Variants in BAHCC1 observed in about 807,000 individuals in gnomAD.
BAHCC1 encodes BAH and coiled-coil domain-containing protein 1.
Under a neutral mutation model 88.2 loss-of-function variants are expected in BAHCC1, and 43 were observed. The observed-to-expected ratio is 0.49, with a 90% CI of 0.38 to 0.63. The LOEUF (loss-of-function observed/expected upper bound fraction) is 0.63, where lower values mean the gene tolerates loss of function less well. Among genes scored for constraint, BAHCC1 ranks in the 20% least tolerant of loss-of-function variants. The probability of loss-of-function intolerance (pLI) is 0.00; values close to 1 mark genes in which losing one functional copy is unlikely to be tolerated. For missense variants in BAHCC1, 3,023 were observed against 1,654.8 expected (o/e 1.83, Z -14.34); for synonymous variants, 1,510 against 745.5 (o/e 2.03, Z -16.71).
Position 81,399,134 on chromosome 17 carries a change from T to A in BAHCC1, c.-206-400T>A, listed in dbSNP as rs1294212302. ...GGGAGAGGGTGTGCGTGTGAGTGTG[T>A]GTGTGTGTGTGTGTGTGTGCGAGTG... On this transcript the variant is annotated intron_variant, in intron 1 of 27. Transcript: ENST00000675386. This position sits in a 1 kb window ranked among gnomAD's most constrained non-coding sequence, Gnocchi z 4.5. 1.5e-5 allele frequency: 4 copies of A among 267,624 alleles called. No homozygotes were observed. The highest frequency in any genetic ancestry group is 2.7e-5 in the South Asian group (1 of 36,584). The allele number at this position is 267,624 out of a possible 1,614,324, so 16.6% of individuals were successfully genotyped here.
At chr17:81,423,069 G>A (rs1555649786) in intron 2 of BAHCC1, among the ~76,000 whole-genome samples, 1 of 152,146 alleles carries the variant, frequency 6.6e-6, no homozygotes, top group Non-Finnish European at 1.5e-5. Flanking sequence ...CTGGCTCGCG[G>A]GCACCTTCAC....
chr17:81,431,675 C>T (rs2064262906), intron 3 of BAHCC1, among the ~76,000 whole-genome samples: 1 of 152,216 alleles, frequency 6.6e-6, no homozygotes, highest in Non-Finnish European at 1.5e-5. Flanking sequence ...CCTGGGATGG[C>T]ACCTGCCTCC....
chr17:81,433,630 G>A (rs1232908423), intron 3 of BAHCC1, among the ~76,000 whole-genome samples: 2 of 151,072 alleles, frequency 1.3e-5, no homozygotes, highest in Non-Finnish European at 3.0e-5. Context: ...GTCCACCAAG[G>A]CCCCTCCTGT....
At position 81,460,402 on chromosome 17, in the gene BAHCC1, C is replaced by T. The variant is rs782135311; in HGVS notation, c.6025+6C>T. The T allele has an allele frequency of 1.1e-5, 8 of 758,206 alleles. No individual in the cohort carries two copies. The highest frequency in any genetic ancestry group is 2.8e-5 in the South Asian group (2 of 71,248). 47.0% of individuals were successfully genotyped at this position (758,206 alleles called of 1,614,324 possible). A position where few individuals can be genotyped will look rare whatever the true frequency, so the allele number is the denominator to read the frequency against. On this transcript the variant is annotated splice_donor_region_variant and intron_variant, in intron 24 of 27. Coordinates refer to ENST00000675386, the MANE Select transcript of BAHCC1 (RefSeq NM_001377448.1). The stretch of plus-strand genomic sequence containing the variant: ...CCCTGACTTCAAGATCCAGTGTGAG[C>T]CTGGGAGCTGCACGGGGCAGGGCCC...
At position 81,443,569 on chromosome 17, in the gene BAHCC1, A is replaced by G; in HGVS notation, c.2215+5A>G. The G allele has an allele frequency of 1.6e-6, 1 of 637,252 alleles. No individual in the cohort carries two copies. Among genetic ancestry groups the G allele is most frequent in the Non-Finnish European group, 2.9e-6 (1 of 350,614 alleles). 39.5% of individuals were successfully genotyped at this position (637,252 alleles called of 1,614,324 possible). On this transcript the variant is annotated splice_donor_5th_base_variant and intron_variant, in intron 5 of 27. Transcript: ENST00000675386. ...GGGCCGCCCCCGCCTTCAAAGGTAC[A>G]GGCCCTGCACAGAGAGGGAGGCAGG...
chr17:81,433,912 C>T (rs894318221), intron 3 of BAHCC1, among the ~76,000 whole-genome samples: 1 of 152,244 alleles, frequency 6.6e-6, no homozygotes, highest in African/African-American at 2.4e-5. Flanking sequence ...CCCTGAGTGA[C>T]GGGGGTGTCC....
intron 11 of BAHCC1, 123 bp downstream of exon 11, chr17:81,447,971 G>GACAC (rs1555655057): frequency 4.6e-6 from 3 of 646,278 alleles, no homozygotes; most frequent in Admixed American, 4.5e-5. Context: ...AGTGTGGTAG[G>GACAC]TCCCCTGGAG....
Position 81,461,792 on chromosome 17 carries a change from C to T in BAHCC1, c.7129C>T (p.Arg2377Cys), listed in dbSNP as rs1261034014. 2.8e-6 allele frequency: 2 copies of T among 715,850 alleles called. No homozygotes were observed. The highest frequency in any genetic ancestry group is 2.6e-6 in the Non-Finnish European group (1 of 383,974). The allele number at this position is 715,850 out of a possible 1,614,324, so 44.3% of individuals were successfully genotyped here. A position where few individuals can be genotyped will look rare whatever the true frequency, so the allele number is the denominator to read the frequency against. Residue 2377 changes from arginine (R) to cysteine (C), a missense_variant, in exon 26 of 28, where the codon CGC (arginine) becomes TGC (cysteine). Transcript: ENST00000675386. Reference protein sequence around the residue: ...PTLLAQPEALRSKGSGPHAHA... With the variant: ...PTLLAQPEALCSKGSGPHAHA... ...CCTCCTGGCCCAGCCCGAGGCCCTG[C>T]GCTCCAAGGGCAGCGGCCCTCACGC...
chr17:81,451,439 G>A (rs2064632502), intron 11 of BAHCC1, among the ~76,000 whole-genome samples: 1 of 152,168 alleles, frequency 6.6e-6, no homozygotes, highest in Admixed American at 6.5e-5. Flanking sequence ...TGCCCCGTGG[G>A]TCCTCCCAGC....
chr17:81,441,015 G>C (rs977408476), intron 4 of BAHCC1, among the ~76,000 whole-genome samples: 1 of 152,192 alleles, frequency 6.6e-6, no homozygotes, highest in Non-Finnish European at 1.5e-5. Flanking sequence ...CTTGGTGCCT[G>C]TTTGTAAAGA....
intron 2 of BAHCC1, among the ~76,000 whole-genome samples, chr17:81,425,091 TG>T: frequency 9.3e-6 from 1 of 107,076 alleles, no homozygotes; most frequent in Admixed American, 9.8e-5. Context: ...ATGTGGTTGG[TG>T]GTGATAGTGG....
rs2030425779 is a variant in BAHCC1 at position 81,462,869 on chromosome 17, C to T, written c.7513C>T (p.Arg2505Cys). 2.5e-6 allele frequency: 2 copies of T among 784,338 alleles called. No homozygotes were observed. The highest frequency in any genetic ancestry group is 4.7e-6 in the Non-Finnish European group (2 of 421,430). 48.6% of individuals were successfully genotyped at this position (784,338 alleles called of 1,614,324 possible). A position where few individuals can be genotyped will look rare whatever the true frequency, so the allele number is the denominator to read the frequency against. The stretch of plus-strand genomic sequence containing the variant: ...GCGGCCCAACCTCCCCTACATCGGC[C>T]GCATCGAGAGCATGTGGGAGTCGTG... ...AGRPNLPYIG[R>C]IESMWESWGS... Residue 2505 changes from arginine to cysteine, a missense_variant, in exon 27 of 28, where the codon CGC (arginine) becomes TGC (cysteine). Coordinates refer to ENST00000675386, the MANE Select transcript of BAHCC1 (RefSeq NM_001377448.1).
At chr17:81,413,721 A>G (rs1274601468) in intron 2 of BAHCC1, among the ~76,000 whole-genome samples, 2 of 152,092 alleles carry the variant, frequency 1.3e-5, no homozygotes, top group African/African-American at 4.8e-5. Context: ...GCTTCCCTGC[A>G]CTCCAGGCTG....
Position 81,451,849 on chromosome 17 carries a change from C to G in BAHCC1, c.4158C>G (p.Thr1386=), listed in dbSNP as rs782379292. The part of the protein sequence containing the change: ...PRMQILQRKD[T]WTPKTKPVCP... ...TGCAGATCCTGCAGCGCAAGGACAC[C>G]TGGACCCCCAAGACCAAGCCTGTGA... Residue 1386 remains threonine (T), a synonymous_variant, in exon 12 of 28, where the codon ACC becomes ACG. Coordinates refer to ENST00000675386, the MANE Select transcript of BAHCC1 (RefSeq NM_001377448.1). 1 of 747,776 alleles carries G rather than the reference C, an allele frequency of 1.3e-6. No individual in the cohort carries two copies. Among genetic ancestry groups the G allele is most frequent in the Non-Finnish European group, 2.4e-6 (1 of 409,676 alleles). 46.3% of individuals were successfully genotyped at this position (747,776 alleles called of 1,614,324 possible). A position where few individuals can be genotyped will look rare whatever the true frequency, so the allele number is the denominator to read the frequency against.
intron 5 of BAHCC1, 63 bp downstream of exon 5, chr17:81,443,627 C>T (rs2064466356): frequency 1.6e-6 from 1 of 622,812 alleles, no homozygotes; most frequent in African/African-American, 1.8e-5. Context: ...GCTGGCCCTG[C>T]CCTGCGCCCC....
At chr17:81,453,982 G>A (rs1323683903) in intron 14 of BAHCC1, among the ~76,000 whole-genome samples, 1 of 152,242 alleles carries the variant, frequency 6.6e-6, no homozygotes, top group Non-Finnish European at 1.5e-5. Flanking sequence ...GCAGGAAGGT[G>A]GAAAGGGACA....
At chr17:81,410,641 A>G (rs1308882664) in intron 2 of BAHCC1, among the ~76,000 whole-genome samples, 1 of 152,130 alleles carries the variant, frequency 6.6e-6, no homozygotes, top group African/African-American at 2.4e-5. Flanking sequence ...GGCAGTGCAG[A>G]CGCTCTGGAC....
intron 2 of BAHCC1, among the ~76,000 whole-genome samples, chr17:81,416,355 A>AAAAT: frequency 1.1e-5 from 1 of 91,414 alleles, no homozygotes; most frequent in South Asian, 3.9e-4. Flanking sequence ...TGTGTCCATG[A>AAAAT]GGGTGGGTCT....
At position 81,459,115 on chromosome 17, in the gene BAHCC1, G is replaced by A. The variant is rs1378634737; in HGVS notation, c.5667G>A (p.Lys1889=). The change falls in exon 21 of 28, where the codon AAG becomes AAA. Residue 1889 remains lysine, a synonymous_variant. Coordinates refer to ENST00000675386, the MANE Select transcript of BAHCC1 (RefSeq NM_001377448.1). The stretch of plus-strand genomic sequence containing the variant: ...ACGGGCTGCCCGTGCTCATCCCCAA[G>A]GAGGATAGCCTGCTGTACGCGGGCA... The part of the protein sequence containing the change: ...LRDGLPVLIP[K]EDSLLYAGSV... 1.3e-6 allele frequency: 1 copy of A among 772,824 alleles called. No individual in the cohort carries two copies. Among genetic ancestry groups the A allele is most frequent in the Non-Finnish European group, 2.4e-6 (1 of 415,090 alleles). The allele number at this position is 772,824 out of a possible 1,614,324, so 47.9% of individuals were successfully genotyped here.
Sources: allele counts gnomAD v4.1 joint callset (sites outside exome capture counted in the v4.1 genomes callset), GRCh38; gene constraint gnomAD v4.1.1; non-coding constraint Gnocchi (gnomAD v3.1); transcripts MANE v1.5; gene names NCBI Gene and HGNC (gene_info 2026-07-23, HGNC 2026-07-21).